The following SLC22A23 variants were observed in gnomAD, a reference collection of about 807,000 sequenced individuals.
SLC22A23 encodes solute carrier family 22 member 23.
A neutral mutation model predicts 61.0 loss-of-function variants in SLC22A23; 26 were observed. The ratio of observed to expected loss-of-function variants is 0.43; its 90% CI spans 0.31 to 0.59. SLC22A23 has a LOEUF of 0.59. SLC22A23 is among the 20% of genes least tolerant of loss of function. The pLI is 0.11. For missense variants in SLC22A23, 796 were observed against 934.7 expected (o/e 0.85, Z 1.94); for synonymous variants, 430 against 413.9 (o/e 1.04, Z -0.47).
chr6:3,280,843 T>G (rs1759409730), intron 9 of SLC22A23, among the ~76,000 whole-genome samples: 1 of 152,162 alleles, frequency 6.6e-6, no homozygotes, highest in Non-Finnish European at 1.5e-5. Flanking sequence ...TGATACTCCC[T>G]TAACCCCAGG....
chr6:3,421,829 A>G (rs1278309233), intron 1 of SLC22A23, among the ~76,000 whole-genome samples: 1 of 152,246 alleles, frequency 6.6e-6, no homozygotes, highest in East Asian at 1.9e-4. Flanking sequence ...ACGTATTTTA[A>G]GACAATCCTA....
intron 4 of SLC22A23, chr6:3,312,612 T>G (rs1207258231): frequency 6.6e-6 from 1 of 152,206 alleles, no homozygotes; most frequent in East Asian, 1.9e-4. Flanking sequence ...ACTGCCACTC[T>G]TTAGTACTGG....
rs1762994881 is a variant in SLC22A23, at chr6:3,322,177, C to A, written c.1082+1657G>T. 6.6e-6 allele frequency among the ~76,000 whole-genome samples: 1 copy of A among 152,100 alleles called. No homozygotes were observed. The highest frequency in any genetic ancestry group is 1.5e-5 in the Non-Finnish European group (1 of 68,020). ...GGGGTCAGGGGACCGCGGTTCTGTC[C>A]TCTATAGGATGGGCTGCTGAGATAT... On this transcript the variant is annotated intron_variant, in intron 4 of 9. Transcript: ENST00000406686. This position sits in a 1 kb window ranked among gnomAD's most constrained non-coding sequence, Gnocchi z 4.1.
intron 3 of SLC22A23, among the ~76,000 whole-genome samples, chr6:3,340,760 A>T (rs1014541519): frequency 6.6e-6 from 1 of 152,242 alleles, no homozygotes; most frequent in African/African-American, 2.4e-5. Flanking sequence ...TAGAGACATG[A>T]GAACCGAGAG....
At chr6:3,280,712 C>G (rs1204103771) in intron 9 of SLC22A23, among the ~76,000 whole-genome samples, 26 of 151,994 alleles carry the variant, frequency 1.7e-4, no homozygotes, top group South Asian at 8.3e-4. Context: ...TTAGCCAGAT[C>G]CTCTCGATCT....
chr6:3,442,067 G>A (rs1238570654), intron 1 of SLC22A23, among the ~76,000 whole-genome samples: 1 of 152,228 alleles, frequency 6.6e-6, no homozygotes, highest in African/African-American at 2.4e-5. Flanking sequence ...AGAATGTGGT[G>A]CAGGCACACA....
intron 3 of SLC22A23, among the ~76,000 whole-genome samples, chr6:3,352,553 C>T (rs117743130): frequency 3.3e-5 from 5 of 152,238 alleles, no homozygotes; most frequent in East Asian, 1.9e-4. Context: ...CACCAAGCCC[C>T]GGCCATAACA....
intron 6 of SLC22A23, 62 bp downstream of exon 6, chr6:3,289,702 C>G (rs1760392143): frequency 7.1e-7 from 1 of 1,410,126 alleles, no homozygotes; most frequent in African/African-American, 1.4e-5. Context: ...TGGGCTTCAC[C>G]ACTCCCCACC....
intron 3 of SLC22A23, among the ~76,000 whole-genome samples, chr6:3,403,984 C>T (rs1768618122): frequency 6.6e-6 from 1 of 152,190 alleles, no homozygotes; most frequent in African/African-American, 2.4e-5. Flanking sequence ...CTCAGATCTC[C>T]TGATTTTCAG....
chr6:3,345,270 T>C lies in SLC22A23; in HGVS notation c.914-21268A>G, dbSNP rs565298280. Among the ~76,000 whole-genome samples, 205 of 152,084 alleles carry C rather than the reference T, an allele frequency of 1.3e-3. 1 individual carries two copies. Among genetic ancestry groups the C allele is most frequent in the Non-Finnish European group, 2.4e-3 (163 of 67,992 alleles). On this transcript the variant is annotated intron_variant, in intron 3 of 9. Coordinates refer to ENST00000406686, the MANE Select transcript of SLC22A23 (RefSeq NM_015482.2). ...AAGATACATGTTGAGTTTTATATAG[T>C]CCATCTCCAGTCAACTTAAGAAAAC...
At chr6:3,345,909 G>C (rs1764408973) in intron 3 of SLC22A23, among the ~76,000 whole-genome samples, 1 of 152,022 alleles carries the variant, frequency 6.6e-6, no homozygotes, top group Non-Finnish European at 1.5e-5. Flanking sequence ...ACATATAGCC[G>C]AGCTTGTTTC....
At chr6:3,411,428 C>G (rs779435680) in intron 2 of SLC22A23, among the ~76,000 whole-genome samples, 3 of 152,110 alleles carry the variant, frequency 2.0e-5, no homozygotes, top group Non-Finnish European at 2.9e-5. Flanking sequence ...CCAGAAAAGA[C>G]AAATATACAG....
At chr6:3,402,503 GCCAACCCCAATCATCCACA>G (rs1324810026) in intron 3 of SLC22A23, among the ~76,000 whole-genome samples, 3 of 151,550 alleles carry the variant, frequency 2.0e-5, no homozygotes, top group South Asian at 2.1e-4. Context: ...CTAGGCCCCA[GCCAACCCCAATCATCCACA>G]CTACACAGAG....
intron 3 of SLC22A23, among the ~76,000 whole-genome samples, chr6:3,378,397 G>A (rs1380115384): frequency 6.6e-6 from 1 of 152,132 alleles, no homozygotes; most frequent in Non-Finnish European, 1.5e-5. Context: ...AAGACTTGAG[G>A]GTATTTTTAA....
At position 3,306,746 on chromosome 6, in the gene SLC22A23, G is replaced by T. The variant is rs567993190; in HGVS notation, c.1083-8528C>A. 2.0e-3 allele frequency among the ~76,000 whole-genome samples: 290 copies of T among 148,254 alleles called. 1 individual carries two copies. The highest frequency in any genetic ancestry group is 0.014 in the Middle Eastern group (4 of 294). ...ACCCTCCAAGACCTAAACCCCAGGT[G>T]GGGGGAGAGAAGCAGAGGACAGAGA... On this transcript the variant is annotated intron_variant, in intron 4 of 9. Transcript: ENST00000406686.
chr6:3,282,124 A>C lies in SLC22A23; in HGVS notation c.1703+1728T>G. 5.8e-6 allele frequency: 4 copies of C among 688,520 alleles called. No individual in the cohort carries two copies. The South Asian group carries it at 6.1e-5, about 11-fold the overall frequency. The allele number at this position is 688,520 out of a possible 1,614,324, so 42.7% of individuals were successfully genotyped here. On this transcript the variant is annotated intron_variant, in intron 9 of 9. Transcript: ENST00000406686. ...ATATGCATAATCATGCAAAGGCTGC[A>C]GGAGGCCAGCTGGAAACCCAGAAGG...
At chr6:3,284,035 G>A (rs751715243) in intron 8 of SLC22A23, 60 bp from the exon 9 acceptor site, 11 of 1,526,692 alleles carry the variant, frequency 7.2e-6, no homozygotes, top group Non-Finnish European at 9.8e-6. Flanking sequence ...AGGGTGGGAG[G>A]GAGGCCTGGG....
chr6:3,346,141 C>T (rs1021421871), intron 3 of SLC22A23, among the ~76,000 whole-genome samples: 1 of 152,198 alleles, frequency 6.6e-6, no homozygotes, highest in African/African-American at 2.4e-5. Context: ...AAAGCCCAAG[C>T]AGGCTCCTGG....
At chr6:3,300,409 G>A (rs1281354360) in intron 4 of SLC22A23, among the ~76,000 whole-genome samples, 2 of 152,200 alleles carry the variant, frequency 1.3e-5, no homozygotes, top group Non-Finnish European at 2.9e-5. Context: ...ACCCCAATGT[G>A]ATAGTATTAA....
Sources: allele counts gnomAD v4.1 joint callset (sites outside exome capture counted in the v4.1 genomes callset), GRCh38; gene constraint gnomAD v4.1.1; non-coding constraint Gnocchi (gnomAD v3.1); transcripts MANE v1.5; gene names NCBI Gene and HGNC (gene_info 2026-07-23, HGNC 2026-07-21).